The following FIRRM variants were observed in gnomAD, a reference collection of about 807,000 sequenced individuals.
The protein encoded by FIRRM is FIGNL1-interacting regulator of recombination and mitosis.
the FIRRM span, among the ~76,000 whole-genome samples, chr1:169,847,975 C>A: frequency 1.3e-5 from 2 of 151,844 alleles, no homozygotes; most frequent in African/African-American, 4.8e-5. Flanking sequence ...TAATACAACT[C>A]ATTTTAAGTT....
chr1:169,830,776 C>T, the FIRRM span: 2 of 1,598,504 alleles, frequency 1.3e-6, no homozygotes, highest in Admixed American at 1.7e-5. Context: ...CCTAAAACAC[C>T]CACTTTCTAT....
chr1:169,804,794 T>C, the FIRRM span, among the ~76,000 whole-genome samples: 1 of 152,204 alleles, frequency 6.6e-6, no homozygotes, highest in Non-Finnish European at 1.5e-5. Flanking sequence ...GCGATTCTCC[T>C]GCCTCAGCCT....
At chr1:169,815,675 G>T in the FIRRM span, among the ~76,000 whole-genome samples, 1 of 152,158 alleles carries the variant, frequency 6.6e-6, no homozygotes, top group African/African-American at 2.4e-5. Flanking sequence ...TATCAGCAAG[G>T]TCTTTGTGAC....
the FIRRM span, chr1:169,821,591 T>C: frequency 1.0e-6 from 1 of 1,002,472 alleles, no homozygotes; most frequent in East Asian, 2.7e-5. Context: ...GTTTTTGTTT[T>C]TAGAAAATAT....
the FIRRM span, among the ~76,000 whole-genome samples, chr1:169,791,331 A>G: frequency 0.1 from 15,966 of 152,300 alleles, 1,019 homozygotes; most frequent in Admixed American, 0.18. Flanking sequence ...ATCACATATA[A>G]TTATACATAA....
chr1:169,818,306 A>G, the FIRRM span, among the ~76,000 whole-genome samples: 96,114 of 151,992 alleles, frequency 0.63, 30,795 homozygotes, highest in Middle Eastern at 0.77. Context: ...TAGCATAGCT[A>G]GGGGGCATGG....
the FIRRM span, chr1:169,849,827 G>T: frequency 3.7e-6 from 2 of 540,326 alleles, no homozygotes; most frequent in East Asian, 6.4e-5. Flanking sequence ...ACCAGAACAG[G>T]CATACACAGC....
the FIRRM span, chr1:169,829,242 A>G: frequency 5.3e-6 from 8 of 1,516,006 alleles, no homozygotes; most frequent in Non-Finnish European, 7.1e-6. Context: ...GTTGGGTTCA[A>G]TGTTCTCAAT....
the FIRRM span, among the ~76,000 whole-genome samples, chr1:169,807,253 C>A: frequency 6.6e-6 from 1 of 152,050 alleles, no homozygotes; most frequent in South Asian, 2.1e-4. Context: ...TTTTGTGTAC[C>A]TTGCTAACTC....
chr1:169,823,573 T>A, the FIRRM span: 1 of 676,104 alleles, frequency 1.5e-6, no homozygotes, highest in Non-Finnish European at 2.4e-6. Flanking sequence ...ATAATTTTTC[T>A]TAATGTTTTA....
At chr1:169,806,770 T>C in the FIRRM span, among the ~76,000 whole-genome samples, 1 of 152,244 alleles carries the variant, frequency 6.6e-6, no homozygotes, top group African/African-American at 2.4e-5. Context: ...AAATCCATTC[T>C]TGAAATCATT....
At chr1:169,850,252 A>C in the FIRRM span, 11 of 1,584,414 alleles carry the variant, frequency 6.9e-6, no homozygotes, top group African/African-American at 1.5e-4. Flanking sequence ...CTTGTTCATC[A>C]ATTTTTTAAT....
the FIRRM span, chr1:169,827,021 T>G: frequency 6.2e-7 from 1 of 1,604,844 alleles, no homozygotes; most frequent in Non-Finnish European, 8.5e-7. Flanking sequence ...TAGCTATTAA[T>G]GAATGAGTTT....
the FIRRM span, chr1:169,792,455 G>T: frequency 2.2e-6 from 2 of 908,566 alleles, no homozygotes; most frequent in Non-Finnish European, 3.2e-6. Context: ...CTTACAATTT[G>T]GATAAACAAA....
At chr1:169,801,098 G>C in the FIRRM span, 1 of 548,956 alleles carries the variant, frequency 1.8e-6, no homozygotes, top group Non-Finnish European at 3.2e-6. Flanking sequence ...TAAGGAGTAA[G>C]TAGATCTCAT....
chr1:169,790,683 TGA>T, the FIRRM span, among the ~76,000 whole-genome samples: 1 of 152,192 alleles, frequency 6.6e-6, no homozygotes. Flanking sequence ...CTTGGAGAAT[TGA>T]GAGATACCTA....
chr1:169,805,862 T>C, the FIRRM span: 2 of 624,814 alleles, frequency 3.2e-6, no homozygotes, highest in Non-Finnish European at 5.6e-6. Context: ...AATAATTCTT[T>C]TGACACAACT....
chr1:169,802,288 A>G, the FIRRM span, among the ~76,000 whole-genome samples: 752 of 152,298 alleles, frequency 4.9e-3, 4 homozygotes, highest in African/African-American at 0.017. Context: ...AAGACAGTCA[A>G]ATTTATTGTG....
At chr1:169,831,364 G>A in the FIRRM span, among the ~76,000 whole-genome samples, 1 of 151,948 alleles carries the variant, frequency 6.6e-6, no homozygotes, top group South Asian at 2.1e-4. Context: ...TGGCCTTTAA[G>A]ATCTTATGTG....
Sources: allele counts gnomAD v4.1 joint callset (sites outside exome capture counted in the v4.1 genomes callset), GRCh38; gene constraint gnomAD v4.1.1; transcripts MANE v1.5; gene names NCBI Gene and HGNC (gene_info 2026-07-23, HGNC 2026-07-21).